Variants in COMMD10 observed in about 807,000 individuals in gnomAD.
COMMD10 encodes the protein COMM domain-containing protein 10.
Under a neutral mutation model 28.9 loss-of-function variants are expected in COMMD10, and 33 were observed. The ratio of observed to expected loss-of-function variants is 1.14; its 90% confidence interval spans 0.87 to 1.53. COMMD10 has a LOEUF of 1.53. Among genes scored for constraint, COMMD10 ranks in the 40% most tolerant of loss-of-function variants. COMMD10 has a pLI of 0.00. For synonymous variants in COMMD10, 110 were observed against 81.7 expected (o/e 1.35, Z -1.87); for missense variants, 310 against 233.4 (o/e 1.33, Z -2.14).
rs1309957810 is a variant in COMMD10, at chr5:116,292,911, A to G, written c.*422A>G. 7.6e-6 allele frequency: 3 copies of G among 395,466 alleles called. No homozygotes were observed. The highest frequency in any genetic ancestry group is 1.3e-5 in the Non-Finnish European group (3 of 224,200). 24.5% of individuals were successfully genotyped at this position (395,466 alleles called of 1,614,324 possible). On this transcript the variant is annotated 3_prime_UTR_variant, in exon 7 of 7. Transcript: ENST00000274458. ...GGTAATTACATGAATAAAATTAAGA[A>G]AATAGCCATATACAATCAAATACAC...
chr5:116,289,764 CT>C (rs1045349559), intron 5 of COMMD10, among the ~76,000 whole-genome samples: 1 of 151,824 alleles, frequency 6.6e-6, no homozygotes, highest in Non-Finnish European at 1.5e-5. Context: ...TTTCCTACCA[CT>C]TTCATTGGAA....
At chr5:116,158,848 G>A (rs916212209) in intron 5 of COMMD10, among the ~76,000 whole-genome samples, 50 of 125,094 alleles carry the variant, frequency 4.0e-4, no homozygotes, top group African/African-American at 2.1e-3. Flanking sequence ...CTTGCAAACA[G>A]TTGTTTTTTT....
chr5:116,145,958 A>G (rs566204124), intron 5 of COMMD10, among the ~76,000 whole-genome samples: 2 of 151,980 alleles, frequency 1.3e-5, no homozygotes, highest in African/African-American at 4.8e-5. Context: ...TTTCTTGGGC[A>G]GTTCTTAATA....
At position 116,293,042 on chromosome 5, in the gene COMMD10, GCTT is replaced by G. The variant is rs1219771328; in HGVS notation, c.*556_*558del. ...ATGGTATCAGTTAATTCCAGTCTGA[GCTT>G]CTCTGTCAACTTCAGTTTCTCTCTC... On this transcript the variant is annotated 3_prime_UTR_variant, in exon 7 of 7. Transcript: ENST00000274458. 1 of 397,224 alleles carries G rather than the reference GCTT, an allele frequency of 2.5e-6. No homozygotes were observed. The highest frequency in any genetic ancestry group is 4.4e-6 in the Non-Finnish European group (1 of 225,240). The allele number at this position is 397,224 out of a possible 1,614,324, so 24.6% of individuals were successfully genotyped here. A position where few individuals can be genotyped will look rare whatever the true frequency, so the allele number is the denominator to read the frequency against.
At chr5:116,213,909 T>C (rs1561670470) in intron 5 of COMMD10, among the ~76,000 whole-genome samples, 1 of 152,154 alleles carries the variant, frequency 6.6e-6, no homozygotes, top group Non-Finnish European at 1.5e-5. Flanking sequence ...TTTTGTATTT[T>C]ACATTCAGTC....
chr5:116,152,194 T>C (rs1056816031), intron 5 of COMMD10, among the ~76,000 whole-genome samples: 1 of 152,326 alleles, frequency 6.6e-6, no homozygotes, highest in Admixed American at 6.5e-5. Flanking sequence ...TCCTGAGTTC[T>C]AGTTTGATTG....
intron 5 of COMMD10, among the ~76,000 whole-genome samples, chr5:116,258,464 A>C (rs1425064893): frequency 1.3e-5 from 2 of 150,418 alleles, no homozygotes; most frequent in African/African-American, 4.9e-5. Context: ...TTTTTGTTTT[A>C]CTGGAGTTGA....
At chr5:116,097,060 C>T (rs1259864332) in intron 4 of COMMD10, among the ~76,000 whole-genome samples, 2 of 151,736 alleles carry the variant, frequency 1.3e-5, no homozygotes, top group East Asian at 3.9e-4. Context: ...TTTTTAGTGT[C>T]TTCATGATGA....
rs142631991 is a variant in COMMD10 at position 116,154,253 on chromosome 5, A to T, written c.510+20075A>T. Reference sequence around the variant, plus strand: ...AAAGAAGAAGAAATGTTATTTTGTTACTTTTATTTTTAAACTAGTTCTCTC... The same window carrying T: ...AAAGAAGAAGAAATGTTATTTTGTTTCTTTTATTTTTAAACTAGTTCTCTC... On this transcript the variant is annotated intron_variant, in intron 5 of 6. Coordinates refer to ENST00000274458, the MANE Select transcript of COMMD10 (RefSeq NM_016144.4). Among the ~76,000 whole-genome samples the T allele has an allele frequency of 1.9e-3, 289 of 152,292 alleles. 3 individuals carry two copies. Among genetic ancestry groups the T allele is most frequent in the African/African-American group, 6.6e-3 (273 of 41,568 alleles).
chr5:116,238,802 G>T (rs1159793085), intron 5 of COMMD10, among the ~76,000 whole-genome samples: 1 of 152,162 alleles, frequency 6.6e-6, no homozygotes, highest in Admixed American at 6.6e-5. Context: ...GAGAGACTGG[G>T]CTTTGACATA....
chr5:116,099,642 G>A (rs1212613766), intron 4 of COMMD10, among the ~76,000 whole-genome samples: 1 of 152,022 alleles, frequency 6.6e-6, no homozygotes, highest in African/African-American at 2.4e-5. Context: ...GTATTTTAAC[G>A]ATGTAACGTC....
intron 5 of COMMD10, among the ~76,000 whole-genome samples, chr5:116,233,106 A>G (rs1419089496): frequency 6.6e-6 from 1 of 152,154 alleles, no homozygotes; most frequent in Non-Finnish European, 1.5e-5. Flanking sequence ...ATTTATGGTT[A>G]TAATATTCCC....
intron 5 of COMMD10, among the ~76,000 whole-genome samples, chr5:116,246,427 G>GGAATA (rs1490385955): frequency 1.5e-4 from 23 of 151,590 alleles, no homozygotes; most frequent in Non-Finnish European, 7.4e-5. Flanking sequence ...TATAGATTCA[G>GGAATA]TGCTATTCCT....
At chr5:116,085,999 T>C (rs1750078727) in intron 1 of COMMD10, among the ~76,000 whole-genome samples, 1 of 152,210 alleles carries the variant, frequency 6.6e-6, no homozygotes, top group Admixed American at 6.5e-5. Flanking sequence ...AGAAGACATT[T>C]ATTGAAAATG....
At chr5:116,259,237 A>G (rs1221938657) in intron 5 of COMMD10, among the ~76,000 whole-genome samples, 4 of 150,814 alleles carry the variant, frequency 2.7e-5, no homozygotes, top group African/African-American at 9.8e-5. Flanking sequence ...CAATTTTTGT[A>G]TTTTTAGTAC....
intron 5 of COMMD10, among the ~76,000 whole-genome samples, chr5:116,170,450 A>G (rs2112580485): frequency 6.6e-6 from 1 of 152,334 alleles, no homozygotes; most frequent in South Asian, 2.1e-4. Context: ...CCATCAAGCT[A>G]CCATTGAACT....
At chr5:116,140,407 A>G (rs957842732) in intron 5 of COMMD10, among the ~76,000 whole-genome samples, 6 of 151,784 alleles carry the variant, frequency 4.0e-5, no homozygotes, top group Non-Finnish European at 2.9e-5. Flanking sequence ...GGGTGCAGAT[A>G]TCTCTTTAAC....
At chr5:116,287,415 A>G (rs900579147) in intron 5 of COMMD10, among the ~76,000 whole-genome samples, 1 of 151,560 alleles carries the variant, frequency 6.6e-6, no homozygotes, top group African/African-American at 2.4e-5. Context: ...TTTTGTTACC[A>G]TTTACACGGG....
intron 5 of COMMD10, among the ~76,000 whole-genome samples, chr5:116,228,703 G>A (rs1749456533): frequency 6.6e-6 from 1 of 151,852 alleles, no homozygotes; most frequent in Admixed American, 6.6e-5. Context: ...ATTAAGTCTG[G>A]ATTCTGATCC....
Sources: allele counts gnomAD v4.1 joint callset (sites outside exome capture counted in the v4.1 genomes callset), GRCh38; gene constraint gnomAD v4.1.1; transcripts MANE v1.5; gene names NCBI Gene and HGNC (gene_info 2026-07-23, HGNC 2026-07-21).